The following METTL16 variants were observed in gnomAD, a reference collection of about 807,000 sequenced individuals.
METTL16 encodes methyltransferase 16, RNA N6-adenosine.
In METTL16, 19 loss-of-function variants were observed where a neutral mutation model predicts 57.9. That is an observed-to-expected ratio of 0.33 (90% CI 0.23 to 0.48). The LOEUF (loss-of-function observed/expected upper bound fraction) is 0.48, where lower values mean the gene tolerates loss of function less well. Among genes scored for constraint, METTL16 ranks in the 20% least tolerant of loss-of-function variants. The pLI is 0.99. For synonymous variants in METTL16, 246 were observed against 255.6 expected (o/e 0.96, Z 0.36); for missense variants, 434 against 691.5 (o/e 0.63, Z 4.18).
intron 8 of METTL16, among the ~76,000 whole-genome samples, chr17:2,422,694 A>C (rs1454962814): frequency 2.6e-5 from 4 of 152,024 alleles, no homozygotes; most frequent in African/African-American, 9.7e-5. Flanking sequence ...TTTAAAGTAG[A>C]AACTTTAGGC....
chr17:2,496,147 CAAAAA>C (rs969927170), intron 2 of METTL16, among the ~76,000 whole-genome samples: 1 of 148,714 alleles, frequency 6.7e-6, no homozygotes, highest in Admixed American at 6.7e-5. Flanking sequence ...CAAAACAAAA[CAAAAA>C]AAAAGAAAAA....
chr17:2,493,549 T>A (rs1156973096), intron 2 of METTL16, among the ~76,000 whole-genome samples: 1 of 151,708 alleles, frequency 6.6e-6, no homozygotes, highest in Non-Finnish European at 1.5e-5. Flanking sequence ...TAAAACCCCA[T>A]CTCTACTAAA....
Position 2,511,805 on chromosome 17 carries a change from G to A in METTL16, c.-47C>T. On this transcript the variant is annotated 5_prime_UTR_variant, in exon 1 of 10. Coordinates refer to ENST00000263092, the MANE Select transcript of METTL16 (RefSeq NM_024086.4). Reference sequence around the variant, plus strand: ...CAGACGTCGTGTCTGGCGTGGGCCTGTACAACCCTAGAATCTTAAAGCAGC... The same window carrying A: ...CAGACGTCGTGTCTGGCGTGGGCCTATACAACCCTAGAATCTTAAAGCAGC... 2.5e-6 allele frequency: 1 copy of A among 398,634 alleles called. No individual in the cohort carries two copies. Among genetic ancestry groups the A allele is most frequent in the South Asian group, 1.3e-4 (1 of 7,854 alleles). The allele number at this position is 398,634 out of a possible 1,614,324, so 24.7% of individuals were successfully genotyped here.
rs184880938 is a variant in METTL16, at chr17:2,505,540, C to T, written c.1-3209G>A. On this transcript the variant is annotated intron_variant, in intron 1 of 9. Coordinates refer to ENST00000263092, the MANE Select transcript of METTL16 (RefSeq NM_024086.4). ...CTAGGATTATAGTTGTAAGCCACCA[C>T]GCCCGGCCAGAACAGCCTTTTTATT... Among the ~76,000 whole-genome samples the T allele has an allele frequency of 1.2e-4, 18 of 151,698 alleles. No homozygotes were observed. The East Asian group carries it at 3.3e-3, about 28-fold the overall frequency.
At chr17:2,448,820 A>T in intron 6 of METTL16, among the ~76,000 whole-genome samples, 1 of 141,554 alleles carries the variant, frequency 7.1e-6, no homozygotes, top group African/African-American at 2.6e-5. Flanking sequence ...AAAAAAAAAA[A>T]AAAAAAGAGC....
chr17:2,425,983 A>G (rs2066815192), intron 8 of METTL16, among the ~76,000 whole-genome samples: 1 of 151,208 alleles, frequency 6.6e-6, no homozygotes, highest in Non-Finnish European at 1.5e-5. Flanking sequence ...GTGTAGCTTG[A>G]CACAGATCAG....
intron 2 of METTL16, among the ~76,000 whole-genome samples, chr17:2,486,173 G>T (rs1567902104): frequency 6.6e-6 from 1 of 152,086 alleles, no homozygotes; most frequent in African/African-American, 2.4e-5. Flanking sequence ...TCCAGATTAC[G>T]TAGGGCATTA....
At position 2,419,331 on chromosome 17, in the gene METTL16, A is replaced by C; in HGVS notation, c.*639T>G. On this transcript the variant is annotated 3_prime_UTR_variant, in exon 10 of 10. Coordinates refer to ENST00000263092, the MANE Select transcript of METTL16 (RefSeq NM_024086.4). ...TCAGTCACACCGGGGAGTTTTGCTT[A>C]CCTAATTCTGCTTCTGAAATAAGCA... is the stretch of plus-strand genomic sequence containing the variant. The C allele has an allele frequency of 4.1e-6, 1 of 244,900 alleles. No homozygotes were observed. The highest frequency in any genetic ancestry group is 4.5e-5 in the South Asian group (1 of 22,310). 15.2% of individuals were successfully genotyped at this position (244,900 alleles called of 1,614,324 possible). A position where few individuals can be genotyped will look rare whatever the true frequency, so the allele number is the denominator to read the frequency against.
Position 2,420,656 on chromosome 17 carries a change from C to CA in METTL16, c.1063-61dup, listed in dbSNP as rs2066758113. On this transcript the variant is annotated intron_variant, in intron 9 of 9. Coordinates refer to ENST00000263092, the MANE Select transcript of METTL16 (RefSeq NM_024086.4). The surrounding 1 kb of genome is among the most constrained non-coding windows in gnomAD (Gnocchi z 5.4). ...CACGTTTCCCCTCTCTCCAAACTCT[C>CA]AATAAAAAAAAAAAGAAAAAAGAAA... is the stretch of plus-strand genomic sequence containing the variant. 1 of 1,537,772 alleles carries CA rather than the reference C, an allele frequency of 6.5e-7. No homozygotes were observed. Among genetic ancestry groups the CA allele is most frequent in the Non-Finnish European group, 8.7e-7 (1 of 1,148,238 alleles).
chr17:2,423,261 GGTGTGTGTGTGTGTGT>G (rs58486923), intron 8 of METTL16, among the ~76,000 whole-genome samples: 145 of 143,704 alleles, frequency 1.0e-3, no homozygotes, highest in Non-Finnish European at 1.3e-3. Context: ...AAAAACAAAG[GGTGTGTGTGTGTGTGT>G]GTGTGTGTGT....
intron 2 of METTL16, among the ~76,000 whole-genome samples, chr17:2,484,027 C>T (rs1015564822): frequency 1.2e-4 from 18 of 152,072 alleles, no homozygotes; most frequent in African/African-American, 4.3e-4. Flanking sequence ...TGTTCAAAGG[C>T]TTAATATCTC....
chr17:2,464,471 G>T, intron 5 of METTL16, 121 bp from the exon 6 acceptor site: 1 of 879,398 alleles, frequency 1.1e-6, no homozygotes. Flanking sequence ...TAGTATGCTA[G>T]ATTTAGGATT....
At chr17:2,448,805 A>AAAAAAAAAAAAAAAT (rs2067044608) in intron 6 of METTL16, among the ~76,000 whole-genome samples, 1 of 104,564 alleles carries the variant, frequency 9.6e-6, no homozygotes, top group Non-Finnish European at 2.0e-5. Context: ...TAAAATTTAA[A>AAAAAAAAAAAAAAAT]AAAAAAAAAA....
At position 2,441,590 on chromosome 17, in the gene METTL16, C is replaced by A. The variant is rs371902501; in HGVS notation, c.729-31G>T. ...AAAAAAAAAATCAGACAAGTAAATA[C>A]GGTTTATGTGGTTAAAATTTTAAAC... On this transcript the variant is annotated intron_variant, in intron 6 of 9. Coordinates refer to ENST00000263092, the MANE Select transcript of METTL16 (RefSeq NM_024086.4). The A allele has an allele frequency of 2.1e-6, 3 of 1,458,190 alleles. No homozygotes were observed. In the African/African-American group the frequency reaches 4.3e-5, roughly 21 times the overall value. 90.3% of individuals were successfully genotyped at this position (1,458,190 alleles called of 1,614,324 possible). A position where few individuals can be genotyped will look rare whatever the true frequency, so the allele number is the denominator to read the frequency against.
chr17:2,438,269 A>G, intron 7 of METTL16, 71 bp from the exon 8 acceptor site: 2 of 1,079,420 alleles, frequency 1.9e-6, no homozygotes, highest in Non-Finnish European at 2.9e-6. Flanking sequence ...CTGCTGCGTC[A>G]TGCCATATTA....
At chr17:2,434,033 A>G (rs1270214611) in intron 8 of METTL16, among the ~76,000 whole-genome samples, 1 of 152,202 alleles carries the variant, frequency 6.6e-6, no homozygotes. Flanking sequence ...GAGTAACAGA[A>G]AACAATGTCT....
At chr17:2,429,977 A>G (rs980935395) in intron 8 of METTL16, among the ~76,000 whole-genome samples, 4 of 144,368 alleles carry the variant, frequency 2.8e-5, no homozygotes, top group African/African-American at 1.0e-4. Context: ...TGCCCGGCTA[A>G]TTTTTTTCTA....
chr17:2,429,022 C>A (rs1440808788), intron 8 of METTL16, among the ~76,000 whole-genome samples: 1 of 151,454 alleles, frequency 6.6e-6, no homozygotes, highest in African/African-American at 2.4e-5. Flanking sequence ...CCAGGCCTGG[C>A]TAATTTTGTA....
chr17:2,485,713 G>A (rs1210675319), intron 2 of METTL16, among the ~76,000 whole-genome samples: 1 of 152,186 alleles, frequency 6.6e-6, no homozygotes, highest in Non-Finnish European at 1.5e-5. Flanking sequence ...TATGTGCCAG[G>A]TATTACGCAA....
Sources: gnomAD v4.1 joint callset for allele counts (sites outside exome capture counted in the v4.1 genomes callset) on GRCh38, gnomAD v4.1.1 for gene constraint, Gnocchi (gnomAD v3.1) non-coding constraint, MANE v1.5 for transcripts, NCBI Gene and HGNC (gene_info 2026-07-23, HGNC 2026-07-21) for gene names.